PNPT1: variants seen among roughly 807,000 people sequenced by gnomAD.
PNPT1 encodes the protein polyribonucleotide nucleotidyltransferase 1.
In PNPT1, 53 loss-of-function variants were observed where a neutral mutation model predicts 119.5. That is an observed-to-expected ratio of 0.44 (90% CI 0.36 to 0.56). PNPT1 has a LOEUF of 0.56. Among genes scored for constraint, PNPT1 ranks in the 20% least tolerant of loss-of-function variants. The pLI, the probability that PNPT1 is intolerant of heterozygous loss-of-function variation, is 0.00. For synonymous variants in PNPT1, 357 were observed against 322.1 expected (o/e 1.11, Z -1.16); for missense variants, 948 against 938.5 (o/e 1.01, Z -0.13).
chr2:55,644,542 A>C, intron 23 of PNPT1, 95 bp downstream of exon 23: 1 of 820,428 alleles, frequency 1.2e-6, no homozygotes, highest in Non-Finnish European at 1.8e-6. Context: ...TTTCTCAAAT[A>C]AATATATATT....
At position 55,680,871 on chromosome 2, in the gene PNPT1, G is replaced by T. The variant is rs761063550; in HGVS notation, c.501C>A (p.Val167=). The T allele has an allele frequency of 6.2e-7, 1 of 1,613,888 alleles. No homozygotes were observed. The highest frequency in any genetic ancestry group is 8.5e-7 in the Non-Finnish European group (1 of 1,179,910). ...TATACTTACCGCCATTAATTGCTAG[G>T]ACATCAGGCTCATTTACACCATCTA... The part of the protein sequence containing the change: ...LAVDGVNEPD[V]LAINGASVAL... The change falls in exon 6 of 28, where the codon GTC becomes GTA. Residue 167 remains valine (V), a synonymous_variant. Transcript: ENST00000447944.
At chr2:55,667,745 A>G (rs1696780629) in intron 12 of PNPT1, 117 bp downstream of exon 12, 5 of 1,317,726 alleles carry the variant, frequency 3.8e-6, no homozygotes, top group South Asian at 1.5e-5. Context: ...AGCAAATATT[A>G]TAATTCTTTA....
rs535556496 is a variant in PNPT1, at chr2:55,652,439, C to T, written c.1495+2461G>A. Among the ~76,000 whole-genome samples, 29 of 152,244 alleles carry T rather than the reference C, an allele frequency of 1.9e-4. 1 individual carries two copies. The highest frequency in any genetic ancestry group is 5.5e-4 in the African/African-American group (23 of 41,550). On this transcript the variant is annotated intron_variant, in intron 18 of 27. Transcript: ENST00000447944. Reference sequence around the variant, plus strand: ...TTAAGCTCCATATTTTTTTATCCTGCTCAATTTTGTCAGTCACCCATTCCT... The same window carrying T: ...TTAAGCTCCATATTTTTTTATCCTGTTCAATTTTGTCAGTCACCCATTCCT...
At chr2:55,682,620 T>G (rs376774826) in intron 5 of PNPT1, among the ~76,000 whole-genome samples, 3 of 151,916 alleles carry the variant, frequency 2.0e-5, no homozygotes, top group African/African-American at 7.2e-5. Flanking sequence ...AGAAAAAAAC[T>G]TCAGTGACCG....
At chr2:55,666,147 T>C (rs1696722811) in intron 13 of PNPT1, among the ~76,000 whole-genome samples, 1 of 152,248 alleles carries the variant, frequency 6.6e-6, no homozygotes, top group African/African-American at 2.4e-5. Context: ...AACTAATTTA[T>C]AGTGACAAAA....
chr2:55,668,246 T>C (rs949428031), intron 11 of PNPT1, among the ~76,000 whole-genome samples: 1 of 152,148 alleles, frequency 6.6e-6, no homozygotes, highest in Non-Finnish European at 1.5e-5. Flanking sequence ...CTTTCTTTCT[T>C]TTCTTTTGGA....
intron 4 of PNPT1, among the ~76,000 whole-genome samples, 198 bp from the exon 5 acceptor site, chr2:55,684,032 G>A (rs1697324762): frequency 6.6e-6 from 1 of 152,128 alleles, no homozygotes; most frequent in African/African-American, 2.4e-5. Context: ...AACAAACACA[G>A]AAGAAGCACA....
intron 27 of PNPT1, among the ~76,000 whole-genome samples, chr2:55,637,131 T>C (rs1044647589): frequency 1.3e-5 from 2 of 152,248 alleles, no homozygotes; most frequent in African/African-American, 2.4e-5. Flanking sequence ...AATTTTGTTA[T>C]ATGAATTCTA....
chr2:55,637,485 T>C, intron 27 of PNPT1, 67 bp downstream of exon 27: 1 of 1,437,066 alleles, frequency 7.0e-7, no homozygotes, highest in Non-Finnish European at 9.7e-7. Context: ...TTCAACTTTT[T>C]GAAAAAAACA....
intron 18 of PNPT1, among the ~76,000 whole-genome samples, chr2:55,652,154 T>C (rs995248956): frequency 6.6e-6 from 1 of 151,530 alleles, no homozygotes. Flanking sequence ...TTTGTATTAT[T>C]ACCTCTTCAA....
chr2:55,685,622 C>T (rs914417709), intron 3 of PNPT1, among the ~76,000 whole-genome samples: 2 of 151,872 alleles, frequency 1.3e-5, no homozygotes, highest in Non-Finnish European at 2.9e-5. Flanking sequence ...TCAAACATTG[C>T]TTTTTTTTGG....
intron 15 of PNPT1, among the ~76,000 whole-genome samples, chr2:55,657,746 T>C (rs1696432851): frequency 6.7e-6 from 1 of 149,334 alleles, no homozygotes. Context: ...TTGCAGGAAA[T>C]AGAGAGGGGG....
In PNPT1 at chr2:55,634,955, T is replaced by C. The variant is rs1695621674; in HGVS notation, c.*1282A>G. ...GTACAGTAGCTATTCACAGGTATGATTGTTGCACACTACAGTGTCGAACTT... is the reference window on the plus strand; with the variant it reads ...GTACAGTAGCTATTCACAGGTATGACTGTTGCACACTACAGTGTCGAACTT... On this transcript the variant is annotated 3_prime_UTR_variant, in exon 28 of 28. Transcript: ENST00000447944. The C allele has an allele frequency of 6.6e-6, 1 of 152,210 alleles. No individual in the cohort carries two copies. The highest frequency in any genetic ancestry group is 2.4e-5 in the African/African-American group (1 of 41,440). The allele number at this position is 152,210 out of a possible 1,614,324, so 9.4% of individuals were successfully genotyped here.
intron 10 of PNPT1, 120 bp from the exon 11 acceptor site, chr2:55,671,496 A>C (rs543015720): frequency 9.1e-6 from 5 of 552,228 alleles, no homozygotes; most frequent in African/African-American, 5.9e-5. Flanking sequence ...TATTCTTTAA[A>C]ATATTGGAAT....
At position 55,683,942 on chromosome 2, in the gene PNPT1, C is replaced by A. The variant is rs1384755917; in HGVS notation, c.404-108G>T. On this transcript the variant is annotated intron_variant, in intron 4 of 27. Coordinates refer to ENST00000447944, the MANE Select transcript of PNPT1 (RefSeq NM_033109.5). ...CATTCAATATGTTTTCAAGAAAAAT[C>A]CCCTTGGACTGATTTACTAAGAGGG... The A allele has an allele frequency of 5.9e-6, 6 of 1,025,584 alleles. No homozygotes were observed. In the African/African-American group the frequency reaches 9.5e-5, roughly 16 times the overall value. The allele number at this position is 1,025,584 out of a possible 1,614,324, so 63.5% of individuals were successfully genotyped here.
intron 8 of PNPT1, among the ~76,000 whole-genome samples, chr2:55,674,333 C>A (rs1278529755): frequency 6.6e-6 from 1 of 152,212 alleles, no homozygotes; most frequent in African/African-American, 2.4e-5. Context: ...GTGGCTCACA[C>A]CTGTAATCCC....
intron 17 of PNPT1, 95 bp downstream of exon 17, chr2:55,656,036 G>T (rs1696374925): frequency 1.4e-6 from 2 of 1,457,878 alleles, no homozygotes; most frequent in Non-Finnish European, 9.1e-7. Context: ...GGGTTCTGTA[G>T]TAATAAACAA....
At chr2:55,680,660 T>TA (rs543476048) in intron 7 of PNPT1, 52 bp downstream of exon 7, 4 of 1,531,868 alleles carry the variant, frequency 2.6e-6, no homozygotes, top group Non-Finnish European at 3.6e-6. Flanking sequence ...CACTACTACT[T>TA]ACTGAAAAAA....
intron 1 of PNPT1, among the ~76,000 whole-genome samples, chr2:55,691,053 A>G (rs1299972242): frequency 2.0e-5 from 3 of 152,212 alleles, no homozygotes; most frequent in African/African-American, 7.2e-5. Context: ...CTGTCTACCA[A>G]TGTAAATTCT....
Sources: allele counts gnomAD v4.1 joint callset (sites outside exome capture counted in the v4.1 genomes callset), GRCh38; gene constraint gnomAD v4.1.1; transcripts MANE v1.5; gene names NCBI Gene and HGNC (gene_info 2026-07-23, HGNC 2026-07-21).